The following CLDN16 variants were observed in gnomAD, a reference collection of about 807,000 sequenced individuals.
CLDN16 encodes the protein claudin-16.
CLDN16 carries 13 observed loss-of-function variants against 24.6 expected under a neutral mutation model. The observed-to-expected ratio is 0.53, with a 90% CI of 0.34 to 0.84. The LOEUF (loss-of-function observed/expected upper bound fraction) is 0.84, where lower values mean the gene tolerates loss of function less well. Ranked by LOEUF, CLDN16 falls within the 40% of genes least tolerant of loss-of-function variation. The probability of loss-of-function intolerance (pLI) is 0.01; values close to 1 mark genes in which losing one functional copy is unlikely to be tolerated. For synonymous variants in CLDN16, 116 were observed against 106.7 expected (o/e 1.09, Z -0.54); for missense variants, 298 against 292.7 (o/e 1.02, Z -0.13).
intron 1 of CLDN16, among the ~76,000 whole-genome samples, chr3:190,328,126 A>T (rs1348252045): frequency 6.6e-6 from 1 of 151,984 alleles, no homozygotes; most frequent in Admixed American, 6.6e-5. Flanking sequence ...TACAAAAAAA[A>T]AAAAATAGCT....
chr3:190,363,815 T>C (rs1223135680), intron 1 of CLDN16, among the ~76,000 whole-genome samples: 2 of 151,618 alleles, frequency 1.3e-5, no homozygotes, highest in Non-Finnish European at 2.9e-5. Flanking sequence ...CCTACCCGGA[T>C]AGATTCATCC....
At chr3:190,308,106 C>A in the CLDN16 span, 2 of 732,378 alleles carry the variant, frequency 2.7e-6, no homozygotes, top group Non-Finnish European at 4.6e-6. Flanking sequence ...AAGATTAAGC[C>A]ATGTTTAGCA....
chr3:190,310,750 A>G, the CLDN16 span, among the ~76,000 whole-genome samples: 2 of 152,296 alleles, frequency 1.3e-5, no homozygotes, highest in African/African-American at 4.8e-5. Flanking sequence ...CTCAGAATGG[A>G]CCAGAATACC....
intron 1 of CLDN16, among the ~76,000 whole-genome samples, chr3:190,399,077 A>G (rs1718895011): frequency 6.6e-6 from 1 of 152,258 alleles, no homozygotes; most frequent in South Asian, 2.1e-4. Context: ...AAGGAGGAGC[A>G]TGCCAAGGTG....
chr3:190,297,701 A>C, the CLDN16 span, among the ~76,000 whole-genome samples: 1 of 142,144 alleles, frequency 7.0e-6, no homozygotes, highest in Admixed American at 7.4e-5. Flanking sequence ...ATAAATATAT[A>C]AAATATATAT....
chr3:190,324,658 A>G (rs572565932), intron 1 of CLDN16, among the ~76,000 whole-genome samples: 21 of 151,982 alleles, frequency 1.4e-4, no homozygotes, highest in Non-Finnish European at 2.4e-4. Context: ...TTTGTTTTGT[A>G]TTTCAGGTCT....
chr3:190,318,589 T>C (rs1473602979), upstream of CLDN16, among the ~76,000 whole-genome samples: 1 of 152,244 alleles, frequency 6.6e-6, no homozygotes, highest in Non-Finnish European at 1.5e-5. Context: ...CTCACCATTA[T>C]ACACTTGGCT....
the CLDN16 span, among the ~76,000 whole-genome samples, chr3:190,303,898 A>C: frequency 1.1e-3 from 21 of 18,986 alleles, no homozygotes; most frequent in African/African-American, 0.017. Context: ...AAAACACAAA[A>C]AAAAGCCCCA....
intron 1 of CLDN16, among the ~76,000 whole-genome samples, chr3:190,334,820 G>T (rs989213955): frequency 1.1e-4 from 17 of 152,266 alleles, no homozygotes; most frequent in Admixed American, 1.0e-3. Flanking sequence ...GCCTGGGAAG[G>T]TATGCAGCTT....
intron 3 of CLDN16, among the ~76,000 whole-genome samples, chr3:190,405,450 A>C (rs1418544255): frequency 2.7e-5 from 4 of 147,094 alleles, no homozygotes. Context: ...AAAAAAAAGG[A>C]AATAAAGAAA....
chr3:190,342,705 G>C (rs899071035), intron 1 of CLDN16, among the ~76,000 whole-genome samples: 1 of 152,182 alleles, frequency 6.6e-6, no homozygotes, highest in Non-Finnish European at 1.5e-5. Context: ...CCAACATGAT[G>C]CAATGGGAAA....
chr3:190,405,798 A>T (rs1369986737), intron 3 of CLDN16, among the ~76,000 whole-genome samples: 1 of 152,236 alleles, frequency 6.6e-6, no homozygotes, highest in Non-Finnish European at 1.5e-5. Flanking sequence ...AAGCATGACT[A>T]ATAAACAACA....
intron 1 of CLDN16, among the ~76,000 whole-genome samples, chr3:190,399,260 T>C (rs567666109): frequency 6.6e-6 from 1 of 152,268 alleles, no homozygotes; most frequent in African/African-American, 2.4e-5. Context: ...TCCCAGCACT[T>C]TGGGAGGCCG....
In CLDN16 at chr3:190,354,277, T is replaced by C. The variant is rs1022931563; in HGVS notation, n.122-16616T>C. ...TATCTTTTAGGGAACTATTATTTTG[T>C]CAACCACAGTTTCTTTGCAGGAATG... On this transcript the variant is annotated intron_variant and non_coding_transcript_variant, in intron 1 of 4. Transcript: ENST00000468220. Among the ~76,000 whole-genome samples the C allele has an allele frequency of 3.6e-4, 55 of 152,160 alleles. 1 individual carries two copies. The highest frequency in any genetic ancestry group is 7.9e-4 in the Admixed American group (12 of 15,236).
upstream of CLDN16, among the ~76,000 whole-genome samples, chr3:190,321,617 C>T (rs1339640318): frequency 5.9e-5 from 9 of 152,312 alleles, no homozygotes; most frequent in South Asian, 1.0e-3. Flanking sequence ...ATTTTCTTGT[C>T]TGAACTCTAC....
Position 190,411,354 on chromosome 3 carries a change from T to C in CLDN16, c.*1318T>C, listed in dbSNP as rs1272070280. On this transcript the variant is annotated 3_prime_UTR_variant, in exon 5 of 5. Transcript: ENST00000264734. Reference sequence around the variant, plus strand: ...CATATACATTTAACGAAGTCGCTAATGACATTTCATTCATATTCATAATGT... The same window carrying C: ...CATATACATTTAACGAAGTCGCTAACGACATTTCATTCATATTCATAATGT... 6.6e-6 allele frequency: 1 copy of C among 152,198 alleles called. No homozygotes were observed. Among genetic ancestry groups the C allele is most frequent in the African/African-American group, 2.4e-5 (1 of 41,448 alleles). 9.4% of individuals were successfully genotyped at this position (152,198 alleles called of 1,614,324 possible).
the CLDN16 span, among the ~76,000 whole-genome samples, chr3:190,298,376 C>CACACACACACACACACACA: frequency 6.7e-6 from 1 of 150,212 alleles, no homozygotes; most frequent in African/African-American, 2.4e-5. Context: ...CACACACACA[C>CACACACACACACACACACA]CTTAACAATG....
At chr3:190,349,919 C>A (rs1717634628) in intron 1 of CLDN16, among the ~76,000 whole-genome samples, 1 of 152,136 alleles carries the variant, frequency 6.6e-6, no homozygotes, top group Non-Finnish European at 1.5e-5. Flanking sequence ...TTAACCCATT[C>A]AACTCACAAG....
At chr3:190,295,028 C>T in the CLDN16 span, among the ~76,000 whole-genome samples, 1 of 152,042 alleles carries the variant, frequency 6.6e-6, no homozygotes, top group East Asian at 1.9e-4. Context: ...GGCATTATCT[C>T]AGGGCTCGAA....
Sources: gnomAD v4.1 joint callset for allele counts (sites outside exome capture counted in the v4.1 genomes callset) on GRCh38, gnomAD v4.1.1 for gene constraint, MANE v1.5 for transcripts, NCBI Gene and HGNC (gene_info 2026-07-23, HGNC 2026-07-21) for gene names.